LARP4: variants seen among roughly 807,000 people sequenced by gnomAD.
LARP4 encodes la-related protein 4.
LARP4 carries 29 observed loss-of-function variants against 92.9 expected under a neutral mutation model. That is an observed-to-expected ratio of 0.31 (90% confidence interval 0.23 to 0.43). LARP4 has a LOEUF of 0.43. Among genes scored for constraint, LARP4 ranks in the 20% least tolerant of loss-of-function variants. The pLI is 1.00. For synonymous variants in LARP4, 279 were observed against 284.1 expected, an observed-to-expected ratio of 0.98 and a Z score of 0.18; for missense variants, 732 against 860.0, an observed-to-expected ratio of 0.85 and a Z score of 1.86.
chr12:50,450,746 C>T (rs1953045185), intron 8 of LARP4, among the ~76,000 whole-genome samples: 2 of 152,168 alleles, frequency 1.3e-5, no homozygotes, highest in Non-Finnish European at 2.9e-5. Context: ...GGTGATCCAC[C>T]TGTCTTGGCC....
chr12:50,427,293 G>A (rs1948944115), intron 1 of LARP4, among the ~76,000 whole-genome samples: 2 of 151,990 alleles, frequency 1.3e-5, no homozygotes, highest in Admixed American at 1.3e-4. Context: ...ATACACAAGT[G>A]TCTCAAAAGT....
intron 4 of LARP4, among the ~76,000 whole-genome samples, 200 bp from the exon 5 acceptor site, chr12:50,435,285 CTAA>C (rs1266505335): frequency 6.6e-6 from 1 of 152,130 alleles, no homozygotes; most frequent in Non-Finnish European, 1.5e-5. Flanking sequence ...GTTATATTAA[CTAA>C]TGTTTATGTA....
intron 8 of LARP4, among the ~76,000 whole-genome samples, 168 bp from the exon 9 acceptor site, chr12:50,453,292 A>G (rs545440060): frequency 4.4e-4 from 67 of 151,524 alleles, no homozygotes; most frequent in Admixed American, 1.4e-3. Flanking sequence ...AAACGTTTTT[A>G]TTATTTATTA....
At chr12:50,450,496 C>G (rs1271354882) in intron 8 of LARP4, among the ~76,000 whole-genome samples, 1 of 152,094 alleles carries the variant, frequency 6.6e-6, no homozygotes, top group Non-Finnish European at 1.5e-5. Context: ...CTGATGCTTA[C>G]AATTTAAATT....
chr12:50,465,041 TGGCCCTCAACAATTTGGAATAAGAGATTA>T (rs770138599), intron 12 of LARP4, among the ~76,000 whole-genome samples: 8 of 151,706 alleles, frequency 5.3e-5, no homozygotes, highest in African/African-American at 7.3e-5. Context: ...ACTTCTCAAG[TGGCCCTCAACAATTTGGAATAAGAGATTA>T]GGCCCTGCAT....
intron 1 of LARP4, among the ~76,000 whole-genome samples, chr12:50,412,979 C>G (rs1302976556): frequency 6.6e-6 from 1 of 152,108 alleles, no homozygotes; most frequent in Admixed American, 6.6e-5. Flanking sequence ...AATCCTAGCA[C>G]TTTGGAGGCT....
rs1486282283 is a variant in LARP4, at chr12:50,479,617, T to G, written c.*3753T>G. On this transcript the variant is annotated 3_prime_UTR_variant, in exon 16 of 16. Coordinates refer to ENST00000398473, the MANE Select transcript of LARP4 (RefSeq NM_052879.5). ...AAGTTTATTTTTAAAAGCTGACAAC[T>G]TTTTATGAATCTTCGAGTTGACAGT... The G allele has an allele frequency of 6.6e-6, 1 of 152,240 alleles. No individual in the cohort carries two copies. Among genetic ancestry groups the G allele is most frequent in the Non-Finnish European group, 1.5e-5 (1 of 68,044 alleles). The allele number at this position is 152,240 out of a possible 1,614,324, so 9.4% of individuals were successfully genotyped here. A position where few individuals can be genotyped will look rare whatever the true frequency, so the allele number is the denominator to read the frequency against.
At position 50,467,120 on chromosome 12, in the gene LARP4, G is replaced by A. The variant is rs1028327156; in HGVS notation, c.1545G>A (p.Lys515=). ...TTGTTAAAGGTGTCTACAAAGAAAAGGTAAACACCCAGCATCTGAGTCTTA... is the reference window on the plus strand; with the variant it reads ...TTGTTAAAGGTGTCTACAAAGAAAAAGTAAACACCCAGCATCTGAGTCTTA... ...SDVVKGVYKE[K]DNEELTISCP... The change falls in exon 13 of 16, where the codon AAG becomes AAA. Residue 515 remains lysine (K), a splice_region_variant and synonymous_variant. Coordinates refer to ENST00000398473, the MANE Select transcript of LARP4 (RefSeq NM_052879.5). 1.9e-6 allele frequency: 3 copies of A among 1,593,580 alleles called. No homozygotes were observed. Among genetic ancestry groups the A allele is most frequent in the African/African-American group, 1.3e-5 (1 of 74,762 alleles).
chr12:50,442,476 G>GT (rs990180723), intron 8 of LARP4, among the ~76,000 whole-genome samples: 1 of 152,170 alleles, frequency 6.6e-6, no homozygotes, highest in Non-Finnish European at 1.5e-5. Context: ...TGTGTTACCA[G>GT]TTTTTCCCCC....
Position 50,410,110 on chromosome 12 carries a change from A to G in LARP4, c.18+9082A>G, listed in dbSNP as rs1055547848. ...CCCGGCAAAAAAAAAAAAAAGAACT[A>G]TTTTGATATTTAATATTGATGCTTG... On this transcript the variant is annotated intron_variant, in intron 1 of 15. Coordinates refer to ENST00000398473, the MANE Select transcript of LARP4 (RefSeq NM_052879.5). Among the ~76,000 whole-genome samples, 9 of 151,294 alleles carry G rather than the reference A, an allele frequency of 5.9e-5. 1 individual carries two copies. Among genetic ancestry groups the G allele is most frequent in the African/African-American group, 1.5e-4 (6 of 41,142 alleles).
chr12:50,448,111 C>T (rs575730882), intron 8 of LARP4, among the ~76,000 whole-genome samples: 19 of 152,248 alleles, frequency 1.2e-4, no homozygotes, highest in African/African-American at 4.1e-4. Flanking sequence ...GTGATCCACG[C>T]GCCTCGGCCT....
chr12:50,421,643 AAAATAAATAAAT>A (rs144012967), intron 1 of LARP4, among the ~76,000 whole-genome samples: 5,521 of 147,940 alleles, frequency 0.037, 276 homozygotes, highest in African/African-American at 0.12. Context: ...ACTTCATCAC[AAAATAAATAAAT>A]AAATAAATAA....
chr12:50,467,038 C>T lies in LARP4; in HGVS notation c.1463C>T (p.Pro488Leu). ...TTAGCCTCAAATTTTCCACCTTTAC[C>T]TGGAAGTTCATCAAGAATGCCAGGT... Reference protein sequence around the residue: ...DLLASNFPPLPGSSSRMPGEL... With the variant: ...DLLASNFPPLLGSSSRMPGEL... Residue 488 changes from proline (P) to leucine (L), a missense_variant, in exon 13 of 16, where the codon CCT becomes CTT. Pro to Leu is a moderately conservative substitution (Grantham distance 98). This residue lies in a region of LARP4 where 264 missense variants were observed against 269.5 expected (regional missense o/e 0.98). Coordinates refer to ENST00000398473, the MANE Select transcript of LARP4 (RefSeq NM_052879.5). 6.2e-7 allele frequency: 1 copy of T among 1,613,764 alleles called. No individual in the cohort carries two copies. The highest frequency in any genetic ancestry group is 8.5e-7 in the Non-Finnish European group (1 of 1,179,746).
intron 4 of LARP4, among the ~76,000 whole-genome samples, chr12:50,433,977 C>T (rs1252020809): frequency 6.6e-6 from 1 of 152,124 alleles, no homozygotes; most frequent in South Asian, 2.1e-4. Flanking sequence ...GGCCTTTGAG[C>T]CTGCTCCTTG....
intron 12 of LARP4, 68 bp downstream of exon 12, chr12:50,462,698 GTCTTTCCTT>G (rs1955602001): frequency 6.6e-6 from 7 of 1,061,722 alleles, no homozygotes; most frequent in Non-Finnish European, 8.5e-6. Context: ...TTGACTTTCG[GTCTTTCCTT>G]TCTGGGTTTT....
chr12:50,466,895 TC>T, intron 12 of LARP4, 63 bp from the exon 13 acceptor site: 1 of 1,468,018 alleles, frequency 6.8e-7, no homozygotes, highest in Non-Finnish European at 9.3e-7. Flanking sequence ...CCTTTCAGCT[TC>T]TGTGACACAG....
At chr12:50,419,038 T>G (rs1375625552) in intron 1 of LARP4, among the ~76,000 whole-genome samples, 1 of 152,062 alleles carries the variant, frequency 6.6e-6, no homozygotes, top group Non-Finnish European at 1.5e-5. Context: ...CATATAAAGT[T>G]TTTTTAAAGC....
At chr12:50,420,395 A>G (rs1947538306) in intron 1 of LARP4, among the ~76,000 whole-genome samples, 1 of 152,228 alleles carries the variant, frequency 6.6e-6, no homozygotes, top group South Asian at 2.1e-4. Context: ...TTGGAGTTTC[A>G]GAAGAGAATA....
chr12:50,442,966 C>T (rs796603375), intron 8 of LARP4, among the ~76,000 whole-genome samples: 45 of 152,274 alleles, frequency 3.0e-4, no homozygotes, highest in African/African-American at 1.1e-3. Context: ...TGATGTTCTT[C>T]TCCCTTTTAT....
Sources: gnomAD v4.1 joint callset for allele counts (sites outside exome capture counted in the v4.1 genomes callset) on GRCh38, gnomAD v4.1.1 for gene constraint, gnomAD v4.1.1 regional missense constraint, MANE v1.5 for transcripts, NCBI Gene and HGNC (gene_info 2026-07-23, HGNC 2026-07-21) for gene names.